GALR1: variants seen among roughly 807,000 people sequenced by gnomAD.
The protein encoded by GALR1 is galanin receptor type 1.
Under a neutral mutation model 17.9 loss-of-function variants are expected in GALR1, and 11 were observed. That is an observed-to-expected ratio of 0.62 (90% confidence interval 0.39 to 1.02). GALR1 has a LOEUF of 1.02. Ranked by LOEUF, GALR1 falls within the 50% of genes least tolerant of loss-of-function variation. GALR1 has a pLI of 0.01. For synonymous variants in GALR1, 206 were observed against 205.7 expected, an observed-to-expected ratio of 1.00 and a Z score of -0.01; for missense variants, 441 against 456.9, an observed-to-expected ratio of 0.97 and a Z score of 0.32.
chr18:77,252,938 CCACCACCACCATCACCACCAT>C (rs1568139115), intron 1 of GALR1, among the ~76,000 whole-genome samples: 11 of 46,506 alleles, frequency 2.4e-4, no homozygotes, highest in Admixed American at 5.7e-4. Context: ...ACCACCACCA[CCACCACCACCATCACCACCAT>C]CACCACCACC....
At chr18:77,266,618 C>T (rs559622190) in intron 2 of GALR1, among the ~76,000 whole-genome samples, 1 of 152,324 alleles carries the variant, frequency 6.6e-6, no homozygotes, top group South Asian at 2.1e-4. Context: ...GTTTAACTGA[C>T]TCACAGTTAC....
chr18:77,266,771 G>T (rs1176119161), intron 2 of GALR1, among the ~76,000 whole-genome samples: 1 of 152,170 alleles, frequency 6.6e-6, no homozygotes, highest in Non-Finnish European at 1.5e-5. Flanking sequence ...GATCTCCTGA[G>T]AACTCACTGT....
chr18:77,268,498 GT>G, intron 2 of GALR1, 86 bp from the exon 3 acceptor site: 2 of 870,688 alleles, frequency 2.3e-6, no homozygotes, highest in Non-Finnish European at 3.6e-6. Flanking sequence ...GATTCCTTTT[GT>G]GTTGTAATCA....
At chr18:77,252,560 C>T (rs1284603559) in intron 1 of GALR1, among the ~76,000 whole-genome samples, 2 of 152,156 alleles carry the variant, frequency 1.3e-5, no homozygotes, top group Admixed American at 6.5e-5. Context: ...ATTATCTGAA[C>T]GGCCTGCACC....
chr18:77,275,479 AC>A lies in GALR1; in HGVS notation c.*6578del, dbSNP rs1460788698. On this transcript the variant is annotated 3_prime_UTR_variant, in exon 3 of 3. Transcript: ENST00000299727. ...GTGTGAAGGTCAAATATAGGTGGGG[AC>A]TTGGCAGCACACAACTCTGAGTGAA... 1 of 152,218 alleles carries A rather than the reference AC, an allele frequency of 6.6e-6. No homozygotes were observed. The highest frequency in any genetic ancestry group is 1.5e-5 in the Non-Finnish European group (1 of 68,068). The allele number at this position is 152,218 out of a possible 1,614,324, so 9.4% of individuals were successfully genotyped here.
chr18:77,260,694 A>G (rs113620419), intron 2 of GALR1, among the ~76,000 whole-genome samples: 1 of 152,242 alleles, frequency 6.6e-6, no homozygotes, highest in East Asian at 1.9e-4. Flanking sequence ...GTTTGGAGCA[A>G]GTGCAAAAGA....
At chr18:77,263,443 A>G (rs1568143385) in intron 2 of GALR1, among the ~76,000 whole-genome samples, 2 of 152,188 alleles carry the variant, frequency 1.3e-5, no homozygotes. Context: ...GGTTCATCTT[A>G]TTCTTAGCTG....
chr18:77,263,580 G>A lies in GALR1; in HGVS notation c.733-5005G>A, dbSNP rs1010393. 5.0e-3 allele frequency among the ~76,000 whole-genome samples: 768 copies of A among 152,206 alleles called. 6 individuals are homozygous for A. Among genetic ancestry groups the A allele is most frequent in the African/African-American group, 0.017 (710 of 41,528 alleles). ...TCTTGTGCAATCCCTGGTGCCTCTC[G>A]ATAGGGAGCTTAACTCTCATCTCCT... On this transcript the variant is annotated intron_variant, in intron 2 of 2. Transcript: ENST00000299727.
chr18:77,255,180 G>A (rs1022593210), intron 1 of GALR1, among the ~76,000 whole-genome samples: 3 of 152,162 alleles, frequency 2.0e-5, no homozygotes, highest in African/African-American at 7.2e-5. Flanking sequence ...GTCGCCCTGG[G>A]GCTAGATTTT....
chr18:77,263,591 T>A (rs1912879469), intron 2 of GALR1, among the ~76,000 whole-genome samples: 1 of 152,140 alleles, frequency 6.6e-6, no homozygotes, highest in African/African-American at 2.4e-5. Flanking sequence ...ATAGGGAGCT[T>A]AACTCTCATC....
rs1195550906 is a variant in GALR1, at chr18:77,250,594, C to G, written c.46C>G (p.Pro16Ala). Residue 16 changes from proline to alanine, a missense_variant, in exon 1 of 3, where the codon CCG becomes GCG. Physicochemically the swap from Pro to Ala is conservative, Grantham distance 27. Transcript: ENST00000299727. ...GNLSEGNASW[P>A]EPPAPEPGPL... Reference sequence around the variant, plus strand: ...CCTCAGCGAGGGCAACGCGAGCTGGCCGGAGCCCCCCGCCCCGGAGCCCGG... The same window carrying G: ...CCTCAGCGAGGGCAACGCGAGCTGGGCGGAGCCCCCCGCCCCGGAGCCCGG... 1.3e-6 allele frequency: 2 copies of G among 1,551,060 alleles called. No individual in the cohort carries two copies. The highest frequency in any genetic ancestry group is 3.8e-5 in the Admixed American group (2 of 52,200).
In GALR1 at chr18:77,270,176, T is replaced by C. The variant is rs1348690014; in HGVS notation, c.*1274T>C. ...CAGACTGTAAGACTTTGATATGTTTTAGGAGGCAACAAAAGCAAGAAGTTT... is the reference window on the plus strand; with the variant it reads ...CAGACTGTAAGACTTTGATATGTTTCAGGAGGCAACAAAAGCAAGAAGTTT... On this transcript the variant is annotated 3_prime_UTR_variant, in exon 3 of 3. Transcript: ENST00000299727. 1 of 152,198 alleles carries C rather than the reference T, an allele frequency of 6.6e-6. No homozygotes were observed. The highest frequency in any genetic ancestry group is 2.4e-5 in the African/African-American group (1 of 41,454). 9.4% of individuals were successfully genotyped at this position (152,198 alleles called of 1,614,324 possible). A position where few individuals can be genotyped will look rare whatever the true frequency, so the allele number is the denominator to read the frequency against.
intron 1 of GALR1, among the ~76,000 whole-genome samples, chr18:77,254,155 T>C (rs1450730284): frequency 6.6e-6 from 1 of 152,196 alleles, no homozygotes; most frequent in African/African-American, 2.4e-5. Context: ...CACCTTCCTG[T>C]GCACACTCAG....
chr18:77,250,739 G>A lies in GALR1; in HGVS notation c.191G>A (p.Gly64Asp), dbSNP rs1199733191. ...ACCGTGCTGGCGCGCAGCAAGCCGG[G>A]CAAGCCGCGGAGCACCACCAACCTG... ...VITVLARSKPGKPRSTTNLFI... is the reference protein window; with the variant it reads ...VITVLARSKPDKPRSTTNLFI... Residue 64 changes from glycine (G) to aspartate (D), a missense_variant, in exon 1 of 3, where the codon GGC becomes GAC. By Grantham distance (94) the Gly-to-Asp change is moderately conservative. Coordinates refer to ENST00000299727, the MANE Select transcript of GALR1 (RefSeq NM_001480.4). 3 of 1,613,692 alleles carry A rather than the reference G, an allele frequency of 1.9e-6. No individual in the cohort carries two copies. The highest frequency in any genetic ancestry group is 2.2e-5 in the East Asian group (1 of 44,886).
chr18:77,259,172 ATGATGGTGGTGATGATGGTGG>A (rs1235469743), intron 2 of GALR1, among the ~76,000 whole-genome samples: 52 of 2,424 alleles, frequency 0.021, 17 homozygotes, highest in East Asian at 0.25. Context: ...GATGGTGGTG[ATGATGGTGGTGATGATGGTGG>A]TGATGATGGT....
At chr18:77,259,380 G>A (rs1912759081) in intron 2 of GALR1, among the ~76,000 whole-genome samples, 1 of 142,096 alleles carries the variant, frequency 7.0e-6, no homozygotes, top group Admixed American at 7.1e-5. Context: ...CAGTGGTGGT[G>A]GTGTTGGTGT....
At chr18:77,252,905 C>CCAT (rs1568139030) in intron 1 of GALR1, among the ~76,000 whole-genome samples, 10 of 31,226 alleles carry the variant, frequency 3.2e-4, no homozygotes, top group South Asian at 2.0e-3. Context: ...ATCACCACCA[C>CCAT]CACCACCACC....
chr18:77,253,405 G>C (rs1175583822), intron 1 of GALR1, among the ~76,000 whole-genome samples: 2 of 152,210 alleles, frequency 1.3e-5, no homozygotes, highest in Non-Finnish European at 2.9e-5. Flanking sequence ...CTGAGATTGA[G>C]ATTCTTAACA....
At chr18:77,252,541 T>G (rs1341052985) in intron 1 of GALR1, among the ~76,000 whole-genome samples, 3 of 152,212 alleles carry the variant, frequency 2.0e-5, no homozygotes, top group African/African-American at 7.2e-5. Context: ...AATAATAATA[T>G]TGCTGGATAT....
Sources: gnomAD v4.1 joint callset for allele counts (sites outside exome capture counted in the v4.1 genomes callset) on GRCh38, gnomAD v4.1.1 for gene constraint, MANE v1.5 for transcripts, NCBI Gene and HGNC (gene_info 2026-07-23, HGNC 2026-07-21) for gene names.